The following FHIP1A variants were observed in gnomAD, a reference collection of about 807,000 sequenced individuals.
FHIP1A encodes FHF complex subunit HOOK interacting protein 1A.
Under a neutral mutation model 88.6 loss-of-function variants are expected in FHIP1A, and 61 were observed. The ratio of observed to expected loss-of-function variants is 0.69; its 90% CI spans 0.56 to 0.85. FHIP1A has a LOEUF of 0.85. Ranked by LOEUF, FHIP1A falls within the 40% of genes least tolerant of loss-of-function variation. The pLI is 0.00. For synonymous variants in FHIP1A, 478 were observed against 496.0 expected (o/e 0.96, Z 0.48); for missense variants, 1,154 against 1,273.5 (o/e 0.91, Z 1.43).
chr4:151,654,479 G>T (rs1193088713), intron 11 of FHIP1A, among the ~76,000 whole-genome samples: 1 of 152,126 alleles, frequency 6.6e-6, no homozygotes. Context: ...TCATTTTATG[G>T]TCATATGTTT....
At chr4:151,420,453 G>C (rs540935669) in intron 1 of FHIP1A, among the ~76,000 whole-genome samples, 2 of 152,064 alleles carry the variant, frequency 1.3e-5, no homozygotes, top group Non-Finnish European at 2.9e-5. Flanking sequence ...CCCCATCTTT[G>C]TTGAGACCAG....
At chr4:151,465,414 C>G (rs1484938891) in intron 2 of FHIP1A, among the ~76,000 whole-genome samples, 1 of 152,110 alleles carries the variant, frequency 6.6e-6, no homozygotes, top group Non-Finnish European at 1.5e-5. Context: ...CAGGATCAGA[C>G]AGATTCATAG....
chr4:151,522,004 G>A (rs754510009), intron 3 of FHIP1A, among the ~76,000 whole-genome samples: 1 of 152,136 alleles, frequency 6.6e-6, no homozygotes, highest in Admixed American at 6.5e-5. Flanking sequence ...GGGATTACAG[G>A]TGTGAGCTAC....
intron 13 of FHIP1A, among the ~76,000 whole-genome samples, chr4:151,657,496 A>C (rs776503121): frequency 6.6e-6 from 1 of 151,932 alleles, no homozygotes; most frequent in African/African-American, 2.4e-5. Context: ...GGGTGGGGGC[A>C]TGGGTCGGTG....
At chr4:151,526,011 C>T (rs1233537566) in intron 3 of FHIP1A, among the ~76,000 whole-genome samples, 5 of 151,948 alleles carry the variant, frequency 3.3e-5, no homozygotes, top group African/African-American at 9.7e-5. Flanking sequence ...CATCTTGCAC[C>T]GCCCTTAATC....
intron 3 of FHIP1A, among the ~76,000 whole-genome samples, chr4:151,541,104 A>T (rs1560757264): frequency 6.6e-6 from 1 of 152,156 alleles, no homozygotes; most frequent in Non-Finnish European, 1.5e-5. Flanking sequence ...CCCATTAAGG[A>T]CTTTTTTTAA....
At chr4:151,606,018 A>G (rs1218624914) in intron 7 of FHIP1A, among the ~76,000 whole-genome samples, 1 of 152,244 alleles carries the variant, frequency 6.6e-6, no homozygotes, top group Non-Finnish European at 1.5e-5. Flanking sequence ...TATCACCATT[A>G]TAAAATATTA....
At chr4:151,510,116 C>CT (rs1261842400) in intron 3 of FHIP1A, among the ~76,000 whole-genome samples, 1 of 149,406 alleles carries the variant, frequency 6.7e-6, no homozygotes, top group Non-Finnish European at 1.5e-5. Context: ...TTTTTTTTTT[C>CT]TTTTTTTGGA....
intron 3 of FHIP1A, among the ~76,000 whole-genome samples, chr4:151,535,481 A>G (rs1732034040): frequency 6.6e-6 from 1 of 152,228 alleles, no homozygotes; most frequent in Non-Finnish European, 1.5e-5. Flanking sequence ...AGGAACCATT[A>G]TTGACATTTC....
intron 4 of FHIP1A, among the ~76,000 whole-genome samples, chr4:151,574,710 ATAAC>A (rs1733718959): frequency 6.6e-6 from 1 of 152,152 alleles, no homozygotes; most frequent in African/African-American, 2.4e-5. Context: ...ACAGGAAGGA[ATAAC>A]TAATTAACCT....
chr4:151,603,461 C>A (rs1245676528), intron 7 of FHIP1A, among the ~76,000 whole-genome samples: 1 of 152,118 alleles, frequency 6.6e-6, no homozygotes, highest in Non-Finnish European at 1.5e-5. Context: ...GCTCTGCTGA[C>A]TGGATGTTGT....
chr4:151,570,896 G>C (rs1450416853), intron 4 of FHIP1A, among the ~76,000 whole-genome samples: 1 of 152,156 alleles, frequency 6.6e-6, no homozygotes, highest in Non-Finnish European at 1.5e-5. Context: ...TAAATGATCT[G>C]GAAGAGTGTG....
intron 4 of FHIP1A, among the ~76,000 whole-genome samples, chr4:151,574,168 TTG>T (rs1397858517): frequency 6.6e-6 from 1 of 152,260 alleles, no homozygotes; most frequent in African/African-American, 2.4e-5. Context: ...TTGCTGAGCC[TTG>T]TGTGTTCCAT....
chr4:151,446,581 CTTTTT>C (rs35115788), intron 1 of FHIP1A, among the ~76,000 whole-genome samples: 2 of 109,966 alleles, frequency 1.8e-5, no homozygotes, highest in Non-Finnish European at 3.7e-5. Flanking sequence ...TGTTCTTTTT[CTTTTT>C]TTTTTTTTTT....
chr4:151,516,601 A>G (rs560885481), intron 3 of FHIP1A, among the ~76,000 whole-genome samples: 3 of 152,234 alleles, frequency 2.0e-5, no homozygotes, highest in African/African-American at 7.2e-5. Flanking sequence ...AAACAAATTT[A>G]CAAGAAAAAA....
chr4:151,592,982 G>A (rs955357142), intron 7 of FHIP1A, among the ~76,000 whole-genome samples: 1 of 152,104 alleles, frequency 6.6e-6, no homozygotes, highest in African/African-American at 2.4e-5. Flanking sequence ...TCTGCATATG[G>A]CTAGCCAGTT....
rs904888108 is a variant in FHIP1A at position 151,554,231 on chromosome 4, A to G, written c.-122-11907A>G. Among the ~76,000 whole-genome samples, 15 of 152,304 alleles carry G rather than the reference A, an allele frequency of 9.8e-5. 1 individual carries two copies. Among genetic ancestry groups the G allele is most frequent in the Admixed American group, 7.8e-4 (12 of 15,288 alleles). On this transcript the variant is annotated intron_variant, in intron 3 of 13. Transcript: ENST00000435205. ...GTGCCTGGCACAGAGTAAGTGCCCA[A>G]TAAACAGTGGCTTTTCTCACTGGTG...
intron 7 of FHIP1A, among the ~76,000 whole-genome samples, chr4:151,620,892 C>G (rs1456348628): frequency 1.3e-5 from 2 of 149,610 alleles, no homozygotes; most frequent in Non-Finnish European, 3.0e-5. Flanking sequence ...AAAAAAAAAC[C>G]CCACACAAAA....
In FHIP1A at chr4:151,418,172, T is replaced by TAAAAA. The variant is rs1040622837; in HGVS notation, c.-356+8726_-356+8730dup. 3.2e-4 allele frequency among the ~76,000 whole-genome samples: 25 copies of TAAAAA among 77,922 alleles called. 2 individuals are homozygous for TAAAAA. Among genetic ancestry groups the TAAAAA allele is most frequent in the Non-Finnish European group, 4.5e-4 (19 of 42,530 alleles). The allele number at this position is 77,922 out of a possible 152,430, so 51.1% of individuals were successfully genotyped here. On this transcript the variant is annotated intron_variant, in intron 1 of 13. Coordinates refer to ENST00000435205, the MANE Select transcript of FHIP1A (RefSeq NM_001109977.3). ...TGGTGACAGAGTAGGAACCTATCTC[T>TAAAAA]AAAAAAAAAAAAAAAAAAAAAAACA...
Sources: allele counts gnomAD v4.1 joint callset (sites outside exome capture counted in the v4.1 genomes callset), GRCh38; gene constraint gnomAD v4.1.1; transcripts MANE v1.5; gene names NCBI Gene and HGNC (gene_info 2026-07-23, HGNC 2026-07-21).